The following LRFN5 variants were observed in gnomAD, a reference collection of about 807,000 sequenced individuals.
LRFN5 encodes the protein leucine rich repeat and fibronectin type III domain containing 5, also known as leucine-rich repeat and fibronectin type-III domain-containing protein 5.
In LRFN5, 24 loss-of-function variants were observed where a neutral mutation model predicts 45.6. The observed-to-expected ratio is 0.53, with a 90% CI of 0.38 to 0.74. LRFN5 has a LOEUF of 0.74. LRFN5 is among the 30% of genes least tolerant of loss of function. The probability of loss-of-function intolerance (pLI) is 0.00; values close to 1 mark genes in which losing one functional copy is unlikely to be tolerated. For synonymous variants in LRFN5, 340 were observed against 313.8 expected (o/e 1.08, Z -0.88); for missense variants, 776 against 861.5 (o/e 0.90, Z 1.24).
chr14:41,853,889 A>C (rs1383728389), intron 2 of LRFN5, among the ~76,000 whole-genome samples: 1 of 152,132 alleles, frequency 6.6e-6, no homozygotes, highest in Admixed American at 6.6e-5. Context: ...AGTCATAGCA[A>C]CAACTATGAT....
At chr14:41,825,592 G>A (rs1169071310) in intron 2 of LRFN5, among the ~76,000 whole-genome samples, 1 of 152,182 alleles carries the variant, frequency 6.6e-6, no homozygotes, top group African/African-American at 2.4e-5. Flanking sequence ...GGCTCTCGTT[G>A]GCCCTTTGTG....
chr14:41,844,318 T>C (rs1257235185), intron 2 of LRFN5, among the ~76,000 whole-genome samples: 1 of 151,408 alleles, frequency 6.6e-6, no homozygotes. Context: ...GCACCTGTAG[T>C]CCCAGCTACT....
At chr14:41,827,037 C>A (rs1380816862) in intron 2 of LRFN5, among the ~76,000 whole-genome samples, 2 of 151,898 alleles carry the variant, frequency 1.3e-5, no homozygotes, top group Admixed American at 1.3e-4. Flanking sequence ...TCATAAGTAA[C>A]TTCAGAAATA....
chr14:41,817,434 C>A (rs1480377716), intron 2 of LRFN5, among the ~76,000 whole-genome samples: 1 of 152,016 alleles, frequency 6.6e-6, no homozygotes, highest in Admixed American at 6.6e-5. Context: ...AGTGGAGAAG[C>A]CTTCTATAAT....
At chr14:41,814,349 A>G (rs1375345935) in intron 2 of LRFN5, among the ~76,000 whole-genome samples, 1 of 152,158 alleles carries the variant, frequency 6.6e-6, no homozygotes, top group African/African-American at 2.4e-5. Flanking sequence ...ACACTTCACT[A>G]TAAAAGGTCT....
At chr14:41,874,719 C>T (rs1265092760) in intron 2 of LRFN5, among the ~76,000 whole-genome samples, 1 of 152,094 alleles carries the variant, frequency 6.6e-6, no homozygotes, top group African/African-American at 2.4e-5. Flanking sequence ...ATATATTAGT[C>T]AATTCTCACA....
At chr14:41,893,395 GT>G in intron 4 of LRFN5, 1 of 984,900 alleles carries the variant, frequency 1.0e-6, no homozygotes, top group Non-Finnish European at 1.2e-6. Context: ...GTTTTATTTT[GT>G]TTTGTTTTGA....
At chr14:41,677,788 AAAG>A (rs1158930474) in intron 1 of LRFN5, among the ~76,000 whole-genome samples, 3 of 152,240 alleles carry the variant, frequency 2.0e-5, no homozygotes, top group Non-Finnish European at 4.4e-5. Context: ...GTGAGTATCA[AAAG>A]AAGAAGAGAG....
At chr14:41,739,547 T>A (rs1426307315) in intron 1 of LRFN5, among the ~76,000 whole-genome samples, 1 of 151,504 alleles carries the variant, frequency 6.6e-6, no homozygotes, top group African/African-American at 2.4e-5. Flanking sequence ...ATACCAAAAC[T>A]TATGGGATAC....
intron 1 of LRFN5, among the ~76,000 whole-genome samples, chr14:41,613,729 A>C (rs1887839308): frequency 6.6e-6 from 1 of 152,000 alleles, no homozygotes; most frequent in Non-Finnish European, 1.5e-5. Context: ...AATTCTTAGA[A>C]AAAAAACAAA....
At chr14:41,843,188 T>C (rs1463163365) in intron 2 of LRFN5, among the ~76,000 whole-genome samples, 1 of 151,324 alleles carries the variant, frequency 6.6e-6, no homozygotes, top group East Asian at 1.9e-4. Flanking sequence ...TGGGCTCAAG[T>C]GATCCTCCCA....
At chr14:41,766,108 T>G (rs1227344320) in intron 1 of LRFN5, among the ~76,000 whole-genome samples, 1 of 152,166 alleles carries the variant, frequency 6.6e-6, no homozygotes, top group Non-Finnish European at 1.5e-5. Context: ...AAAATTACAA[T>G]GCTTTTATTA....
intron 2 of LRFN5, among the ~76,000 whole-genome samples, chr14:41,770,307 A>C (rs1277100328): frequency 6.6e-6 from 1 of 152,212 alleles, no homozygotes; most frequent in Admixed American, 6.5e-5. Context: ...CCCCCAAATC[A>C]CATGTTCTTT....
chr14:41,743,952 A>G (rs1006582568), intron 1 of LRFN5, among the ~76,000 whole-genome samples: 1 of 152,184 alleles, frequency 6.6e-6, no homozygotes, highest in Non-Finnish European at 1.5e-5. Context: ...GAGATGTTGT[A>G]CATTATTGAA....
At chr14:41,727,772 T>C (rs17181636) in intron 1 of LRFN5, among the ~76,000 whole-genome samples, 23,715 of 152,188 alleles carry the variant, frequency 0.16, 2,183 homozygotes, top group Non-Finnish European at 0.22. Flanking sequence ...CTGAAATGTA[T>C]GGATCTTAGT....
intron 1 of LRFN5, among the ~76,000 whole-genome samples, chr14:41,750,476 C>T (rs770650849): frequency 6.6e-6 from 1 of 151,676 alleles, no homozygotes; most frequent in Non-Finnish European, 1.5e-5. Context: ...GTGATACCTG[C>T]TTTGTAATAT....
At chr14:41,858,243 A>G (rs559948848) in intron 2 of LRFN5, among the ~76,000 whole-genome samples, 2 of 152,206 alleles carry the variant, frequency 1.3e-5, no homozygotes, top group Non-Finnish European at 2.9e-5. Context: ...CCCAGGGCCT[A>G]TCGTAACCCT....
chr14:41,866,801 T>C (rs1228111350), intron 2 of LRFN5, among the ~76,000 whole-genome samples: 1 of 152,132 alleles, frequency 6.6e-6, no homozygotes, highest in East Asian at 1.9e-4. Context: ...CAAATATACC[T>C]GATTTTAACA....
At chr14:41,828,363 G>C (rs1036835458) in intron 2 of LRFN5, among the ~76,000 whole-genome samples, 6 of 151,964 alleles carry the variant, frequency 3.9e-5, no homozygotes, top group African/African-American at 1.4e-4. Flanking sequence ...CATCAGATTA[G>C]CTAGAGAGGG....
Sources: gnomAD v4.1 joint callset for allele counts (sites outside exome capture counted in the v4.1 genomes callset) on GRCh38, gnomAD v4.1.1 for gene constraint, MANE v1.5 for transcripts, NCBI Gene and HGNC (gene_info 2026-07-23, HGNC 2026-07-21) for gene names.